The following DIAPH2 variants were observed in gnomAD, a reference collection of about 807,000 sequenced individuals.
DIAPH2 encodes the protein protein diaphanous homolog 2.
DIAPH2 carries 35 observed loss-of-function variants against 92.7 expected under a neutral mutation model. That is an observed-to-expected ratio of 0.38 (90% CI 0.29 to 0.50). The LOEUF (loss-of-function observed/expected upper bound fraction) is 0.50. DIAPH2 is among the 20% of genes least tolerant of loss of function. The pLI, the probability that DIAPH2 is intolerant of heterozygous loss-of-function variation, is 0.94. For missense variants in DIAPH2, 701 were observed against 819.5 expected (o/e 0.86, Z 1.77); for synonymous variants, 301 against 280.4 (o/e 1.07, Z -0.73).
intron 24 of DIAPH2, among the ~76,000 whole-genome samples, chrX:97,365,694 A>AT (rs1196709515): frequency 2.0e-3 from 168 of 82,637 alleles, no homozygotes; most frequent in Middle Eastern, 6.6e-3. Flanking sequence ...TTTTTTTTTC[A>AT]TTTTTTTTTT....
intron 25 of DIAPH2, among the ~76,000 whole-genome samples, chrX:97,400,023 A>G (rs7052566): frequency 0.42 from 46,613 of 111,060 alleles, 8,232 homozygotes; most frequent in Non-Finnish European, 0.56. Flanking sequence ...GTGGTAGGAA[A>G]GCACACATGA....
intron 1 of DIAPH2, among the ~76,000 whole-genome samples, chrX:96,701,077 A>G (rs1168212238): frequency 8.9e-6 from 1 of 111,764 alleles, no homozygotes; most frequent in Non-Finnish European, 1.9e-5. Context: ...CTAGTTCTTT[A>G]TATAACTCTT....
chrX:97,140,306 C>T (rs1306723519), intron 21 of DIAPH2, among the ~76,000 whole-genome samples: 1 of 111,494 alleles, frequency 9.0e-6, no homozygotes, highest in Non-Finnish European at 1.9e-5. Context: ...GGAATGTGAG[C>T]TTCCCATTGA....
intron 26 of DIAPH2, among the ~76,000 whole-genome samples, chrX:97,440,456 G>A (rs1286050064): frequency 9.1e-6 from 1 of 109,843 alleles, no homozygotes; most frequent in Non-Finnish European, 1.9e-5. Flanking sequence ...GCTGAGTGTG[G>A]TGGCAGACAC....
intron 1 of DIAPH2, 28 bp downstream of exon 1, chrX:96,685,218 C>T: frequency 1.0e-6 from 1 of 988,706 alleles, no homozygotes; most frequent in Admixed American, 4.3e-5. Flanking sequence ...CCCCGCCGGC[C>T]TTAGGGACAG....
intron 23 of DIAPH2, among the ~76,000 whole-genome samples, chrX:97,275,108 G>A (rs985209133): frequency 2.7e-5 from 3 of 111,914 alleles, no homozygotes; most frequent in African/African-American, 6.5e-5. Context: ...TTTTCTACTC[G>A]ACAAAACTGC....
At chrX:97,174,313 A>G (rs956685599) in intron 22 of DIAPH2, among the ~76,000 whole-genome samples, 13 of 110,663 alleles carry the variant, frequency 1.2e-4, no homozygotes, top group African/African-American at 4.3e-4. Flanking sequence ...ACTATGCTGA[A>G]AAAAGTCAGA....
chrX:97,337,349 A>G (rs1390987587), intron 23 of DIAPH2, among the ~76,000 whole-genome samples: 1 of 111,158 alleles, frequency 9.0e-6, no homozygotes, highest in African/African-American at 3.3e-5. Flanking sequence ...TGTAGTCCCC[A>G]TAATCTCCAC....
intron 1 of DIAPH2, among the ~76,000 whole-genome samples, chrX:96,700,446 CAT>C (rs774281682): frequency 6.6e-4 from 74 of 112,310 alleles, no homozygotes; most frequent in Non-Finnish European, 1.3e-3. Flanking sequence ...TGCAGGCAAT[CAT>C]ATGCCTCTTC....
intron 26 of DIAPH2, among the ~76,000 whole-genome samples, chrX:97,511,739 A>C (rs1384763309): frequency 9.0e-6 from 1 of 111,081 alleles, no homozygotes; most frequent in African/African-American, 3.3e-5. Context: ...ATTTTGTCAA[A>C]GGCCTTTTCT....
chrX:97,042,755 G>A (rs2066456181), intron 17 of DIAPH2, among the ~76,000 whole-genome samples: 1 of 111,856 alleles, frequency 8.9e-6, no homozygotes, highest in African/African-American at 3.2e-5. Context: ...TACTTAAATT[G>A]ACATTGAGGC....
At chrX:96,822,248 T>C (rs2064783296) in intron 4 of DIAPH2, among the ~76,000 whole-genome samples, 1 of 111,752 alleles carries the variant, frequency 8.9e-6, no homozygotes, top group South Asian at 3.7e-4. Flanking sequence ...TCAATAAAAA[T>C]ATGAAAATAA....
chrX:96,921,353 C>T (rs932289492), intron 9 of DIAPH2, among the ~76,000 whole-genome samples: 2 of 111,176 alleles, frequency 1.8e-5, no homozygotes, highest in Non-Finnish European at 3.8e-5. Flanking sequence ...CATTGACTTT[C>T]CTTCAGCTTA....
rs187787277 is a variant in DIAPH2 at position 96,937,019 on chromosome X, A to G, written c.1090-214A>G. Among the ~76,000 whole-genome samples the G allele has an allele frequency of 5.5e-4, 61 of 111,911 alleles. 1 individual carries two copies. The highest frequency in any genetic ancestry group is 6.8e-4 in the Non-Finnish European group (36 of 53,053). ...TTTTTAATGTGAATAATCAAAATGT[A>G]GGGCATGGAAAAAATGAAGTGAATG... On this transcript the variant is annotated intron_variant, in intron 10 of 26. Coordinates refer to ENST00000324765, the MANE Select transcript of DIAPH2 (RefSeq NM_006729.5).
chrX:97,088,564 C>T (rs2066800333), intron 19 of DIAPH2, among the ~76,000 whole-genome samples: 2 of 111,415 alleles, frequency 1.8e-5, no homozygotes, highest in African/African-American at 6.5e-5. Context: ...ATATTTTGAG[C>T]CTGTTAGGCT....
intron 17 of DIAPH2, among the ~76,000 whole-genome samples, chrX:97,007,037 A>G (rs1322141779): frequency 8.9e-6 from 1 of 111,979 alleles, no homozygotes; most frequent in Non-Finnish European, 1.9e-5. Flanking sequence ...GCATAAACAA[A>G]CAAGCAAAGA....
intron 23 of DIAPH2, among the ~76,000 whole-genome samples, chrX:97,343,154 C>T (rs1182199447): frequency 9.0e-6 from 1 of 111,373 alleles, no homozygotes. Context: ...TTTGAAATAT[C>T]AACAGATACC....
intron 23 of DIAPH2, among the ~76,000 whole-genome samples, chrX:97,317,568 G>T (rs982942534): frequency 8.9e-6 from 1 of 111,919 alleles, no homozygotes; most frequent in African/African-American, 3.2e-5. Context: ...CAGTGTTAAC[G>T]CCAAACCATG....
In DIAPH2 at chrX:96,931,875, A is replaced by G. The variant is rs772088150; in HGVS notation, c.1089+1032A>G. ...GGTCCACCTGGTTTTGGAAATTTCT[A>G]TGTCAATCCCACCTGAAGCAGTTCT... On this transcript the variant is annotated intron_variant, in intron 10 of 26. Coordinates refer to ENST00000324765, the MANE Select transcript of DIAPH2 (RefSeq NM_006729.5). 2.7e-5 allele frequency among the ~76,000 whole-genome samples: 3 copies of G among 111,363 alleles called. No individual in the cohort carries two copies. The South Asian group carries it at 1.1e-3, about 42-fold the overall frequency.
Sources: allele counts gnomAD v4.1 joint callset (sites outside exome capture counted in the v4.1 genomes callset), GRCh38; gene constraint gnomAD v4.1.1; transcripts MANE v1.5; gene names NCBI Gene and HGNC (gene_info 2026-07-23, HGNC 2026-07-21).